Variants in KIAA1217 observed in about 807,000 individuals in gnomAD.
KIAA1217 encodes the protein KIAA1217, also known as sickle tail protein homolog.
Under a neutral mutation model 163.9 loss-of-function variants are expected in KIAA1217, and 88 were observed. That is an observed-to-expected ratio of 0.54 (90% CI 0.45 to 0.64). The LOEUF (loss-of-function observed/expected upper bound fraction) is 0.64, where lower values mean the gene tolerates loss of function less well. Among genes scored for constraint, KIAA1217 ranks in the 30% least tolerant of loss-of-function variants. The probability of loss-of-function intolerance (pLI) is 0.00; values close to 1 mark genes in which losing one functional copy is unlikely to be tolerated. For missense variants in KIAA1217, 2,372 were observed against 2,475.0 expected, an observed-to-expected ratio of 0.96 and a Z score of 0.88; for synonymous variants, 903 against 923.1, an observed-to-expected ratio of 0.98 and a Z score of 0.39.
intron 2 of KIAA1217, among the ~76,000 whole-genome samples, chr10:24,254,126 G>T (rs1398211391): frequency 6.6e-6 from 1 of 152,130 alleles, no homozygotes; most frequent in Non-Finnish European, 1.5e-5. Context: ...TATATTGAAA[G>T]ATGCTGACTT....
intron 1 of KIAA1217, among the ~76,000 whole-genome samples, chr10:23,821,066 A>G (rs1837595470): frequency 6.6e-6 from 1 of 151,640 alleles, no homozygotes; most frequent in Non-Finnish European, 1.5e-5. Flanking sequence ...CTAATAAAGT[A>G]TCTTCATGGG....
At chr10:24,351,125 T>G (rs1477143760) in intron 2 of KIAA1217, among the ~76,000 whole-genome samples, 1 of 152,076 alleles carries the variant, frequency 6.6e-6, no homozygotes, top group Non-Finnish European at 1.5e-5. Context: ...TTTTTGTATT[T>G]TTAGTAGAGT....
chr10:24,504,962 G>A (rs2068144042), intron 9 of KIAA1217, among the ~76,000 whole-genome samples: 2 of 152,082 alleles, frequency 1.3e-5, no homozygotes, highest in African/African-American at 2.4e-5. Context: ...GTCTAAGAGT[G>A]GTTCTCAATC....
intron 2 of KIAA1217, among the ~76,000 whole-genome samples, chr10:24,182,904 C>T (rs1028601016): frequency 2.0e-5 from 3 of 152,110 alleles, no homozygotes; most frequent in African/African-American, 7.2e-5. Context: ...ATTTGTTTCT[C>T]CCCACCAAAA....
rs866516844 is a variant in KIAA1217, at chr10:24,546,746, A to G, written c.*422A>G. 6.4e-6 allele frequency: 1 copy of G among 155,922 alleles called. No homozygotes were observed. The highest frequency in any genetic ancestry group is 1.4e-5 in the Non-Finnish European group (1 of 70,310). 9.7% of individuals were successfully genotyped at this position (155,922 alleles called of 1,614,324 possible). A position where few individuals can be genotyped will look rare whatever the true frequency, so the allele number is the denominator to read the frequency against. ...CAAGTGTGACTATACAAATTGTAAA[A>G]CAGATACTATAATATTTCCTTTTAT... is the stretch of plus-strand genomic sequence containing the variant. On this transcript the variant is annotated 3_prime_UTR_variant, in exon 21 of 21. Transcript: ENST00000376454.
At chr10:24,109,780 A>T (rs986167262) in intron 2 of KIAA1217, among the ~76,000 whole-genome samples, 5 of 152,280 alleles carry the variant, frequency 3.3e-5, no homozygotes, top group African/African-American at 9.6e-5. Flanking sequence ...TGTCAACATG[A>T]CAGTCATAAA....
chr10:24,267,807 G>T (rs2076378232), intron 2 of KIAA1217, among the ~76,000 whole-genome samples: 1 of 152,222 alleles, frequency 6.6e-6, no homozygotes, highest in African/African-American at 2.4e-5. Context: ...CTTGGTATGA[G>T]TTGGCCTAGA....
intron 1 of KIAA1217, among the ~76,000 whole-genome samples, chr10:23,828,616 G>C (rs925219761): frequency 6.6e-6 from 1 of 152,196 alleles, no homozygotes; most frequent in Non-Finnish European, 1.5e-5. Flanking sequence ...CAATAGTTAT[G>C]TATGGGTTGC....
At chr10:24,420,471 T>C (rs1486516748) in intron 3 of KIAA1217, among the ~76,000 whole-genome samples, 1 of 152,246 alleles carries the variant, frequency 6.6e-6, no homozygotes, top group African/African-American at 2.4e-5. Flanking sequence ...TTGTCTTCAT[T>C]ACTTTGTTTG....
chr10:24,077,524 T>C (rs556552445), intron 2 of KIAA1217, among the ~76,000 whole-genome samples: 41 of 152,378 alleles, frequency 2.7e-4, no homozygotes, highest in Admixed American at 2.5e-3. Context: ...TTCCTTTTTA[T>C]GGTGCCATAG....
intron 3 of KIAA1217, among the ~76,000 whole-genome samples, chr10:24,402,516 C>CAAAAAAAAAAAAAAAAAAA (rs372012492): frequency 1.7e-4 from 16 of 92,894 alleles, no homozygotes; most frequent in Middle Eastern, 6.0e-3. Context: ...CTCAAAAAAA[C>CAAAAAAAAAAAAAAAAAAA]AAAAAACAAA....
At chr10:24,239,045 A>C in intron 2 of KIAA1217, 1 of 445,640 alleles carries the variant, frequency 2.2e-6, no homozygotes, top group Non-Finnish European at 3.0e-6. Context: ...GCATGTCGGC[A>C]GGTGGGGTTA....
At chr10:24,041,457 C>T (rs769345957) in intron 2 of KIAA1217, among the ~76,000 whole-genome samples, 15 of 152,156 alleles carry the variant, frequency 9.9e-5, no homozygotes, top group Non-Finnish European at 1.5e-4. Flanking sequence ...AGAATAAACT[C>T]CGAACTCTTT....
chr10:24,476,466 A>G (rs966469311), intron 6 of KIAA1217, among the ~76,000 whole-genome samples: 5 of 152,180 alleles, frequency 3.3e-5, no homozygotes, highest in African/African-American at 7.2e-5. Context: ...AGAAAATTCT[A>G]TGGACTTCAG....
At chr10:23,963,708 C>T (rs1844923946) in intron 1 of KIAA1217, among the ~76,000 whole-genome samples, 1 of 152,090 alleles carries the variant, frequency 6.6e-6, no homozygotes, top group South Asian at 2.1e-4. Flanking sequence ...TCCACAATGG[C>T]TGAACTAATT....
intron 2 of KIAA1217, chr10:24,158,057 C>T: frequency 1.3e-6 from 1 of 753,716 alleles, no homozygotes; most frequent in Non-Finnish European, 2.5e-6. Flanking sequence ...ACCACCACAA[C>T]CAGTTTTACT....
At chr10:23,911,721 T>G (rs954456811) in intron 1 of KIAA1217, among the ~76,000 whole-genome samples, 10 of 152,178 alleles carry the variant, frequency 6.6e-5, no homozygotes, top group Non-Finnish European at 1.5e-4. Context: ...TTTTCAAGGT[T>G]GAATGTCTAG....
chr10:24,284,866 G>A (rs1400689382), intron 2 of KIAA1217, among the ~76,000 whole-genome samples: 2 of 152,170 alleles, frequency 1.3e-5, no homozygotes, highest in Non-Finnish European at 2.9e-5. Context: ...AACAGTATAT[G>A]AGTGTTCCCT....
At chr10:23,966,081 G>A (rs895398884) in intron 1 of KIAA1217, among the ~76,000 whole-genome samples, 7 of 152,182 alleles carry the variant, frequency 4.6e-5, no homozygotes, top group African/African-American at 1.7e-4. Flanking sequence ...GGCTTTATGA[G>A]TGTGTGGGCT....
Sources: allele counts gnomAD v4.1 joint callset (sites outside exome capture counted in the v4.1 genomes callset), GRCh38; gene constraint gnomAD v4.1.1; transcripts MANE v1.5; gene names NCBI Gene and HGNC (gene_info 2026-07-23, HGNC 2026-07-21).